The following VAV3 variants were observed in gnomAD, a reference collection of about 807,000 sequenced individuals.
VAV3 encodes guanine nucleotide exchange factor VAV3.
In VAV3, 94 loss-of-function variants were observed where a neutral mutation model predicts 131.2. The ratio of observed to expected loss-of-function variants is 0.72; its 90% CI spans 0.61 to 0.85. The LOEUF is 0.85. Among genes scored for constraint, VAV3 ranks in the 40% least tolerant of loss-of-function variants. VAV3 has a pLI of 0.00. For synonymous variants in VAV3, 349 were observed against 342.0 expected (o/e 1.02, Z -0.22); for missense variants, 939 against 1,002.7 (o/e 0.94, Z 0.86).
chr1:107,685,228 G>A (rs1570750777), intron 18 of VAV3, among the ~76,000 whole-genome samples: 1 of 152,276 alleles, frequency 6.6e-6, no homozygotes, highest in East Asian at 1.9e-4. Flanking sequence ...CACATTGCAA[G>A]TATTAAGAGA....
chr1:107,964,974 C>G lies in VAV3; in HGVS notation c.-105G>C, dbSNP rs1675362374. The G allele has an allele frequency of 3.0e-6, 3 of 995,488 alleles. No homozygotes were observed. Among genetic ancestry groups the G allele is most frequent in the Non-Finnish European group, 3.8e-6 (3 of 789,060 alleles). The allele number at this position is 995,488 out of a possible 1,614,324, so 61.7% of individuals were successfully genotyped here. ...GCGCCCCGCCGACGCCAACAGCCGC[C>G]GGCCCTTTCCCCGCGCGGGATCGAG... On this transcript the variant is annotated 5_prime_UTR_variant, in exon 1 of 27. Coordinates refer to ENST00000370056, the MANE Select transcript of VAV3 (RefSeq NM_006113.5).
chr1:107,694,228 C>T (rs984472918), intron 17 of VAV3, among the ~76,000 whole-genome samples: 2 of 152,082 alleles, frequency 1.3e-5, no homozygotes, highest in South Asian at 2.1e-4. Context: ...GGTCAAGGTA[C>T]GGTTAATGAT....
At chr1:107,779,375 A>C in intron 3 of VAV3, 59 bp downstream of exon 3, 1 of 1,448,642 alleles carries the variant, frequency 6.9e-7, no homozygotes. Context: ...GTAACCATTT[A>C]ATAAAGAATC....
chr1:107,749,767 C>T (rs1663592195), intron 13 of VAV3, among the ~76,000 whole-genome samples, 173 bp from the exon 14 acceptor site: 1 of 152,100 alleles, frequency 6.6e-6, no homozygotes, highest in Admixed American at 6.6e-5. Context: ...TGTGGAATTT[C>T]CCTTTACCTT....
chr1:107,935,360 A>C (rs1249612454), intron 1 of VAV3, among the ~76,000 whole-genome samples: 1 of 152,212 alleles, frequency 6.6e-6, no homozygotes, highest in Admixed American at 6.5e-5. Flanking sequence ...CACAGTGATA[A>C]GGTATATCAA....
intron 3 of VAV3, 88 bp downstream of exon 3, chr1:107,779,346 G>T: frequency 8.2e-7 from 1 of 1,222,608 alleles, no homozygotes; most frequent in Non-Finnish European, 1.1e-6. Flanking sequence ...GTACCTGTGT[G>T]CAAGATGCTT....
intron 22 of VAV3, among the ~76,000 whole-genome samples, chr1:107,606,803 C>CTTTTT (rs34849497): frequency 8.6e-5 from 5 of 58,014 alleles, no homozygotes; most frequent in Non-Finnish European, 1.3e-4. Flanking sequence ...ATGGTTTCTT[C>CTTTTT]TTTTTTTTTT....
chr1:107,629,274 T>C (rs1422519470), intron 20 of VAV3, among the ~76,000 whole-genome samples: 1 of 152,240 alleles, frequency 6.6e-6, no homozygotes, highest in African/African-American at 2.4e-5. Flanking sequence ...GGCTTAATTT[T>C]ACATTTGCCT....
At chr1:107,771,068 T>C (rs1377105398) in intron 5 of VAV3, among the ~76,000 whole-genome samples, 8 of 152,170 alleles carry the variant, frequency 5.3e-5, no homozygotes, top group African/African-American at 1.9e-4. Flanking sequence ...TAGAAATAAC[T>C]GCAAAAACAA....
intron 1 of VAV3, among the ~76,000 whole-genome samples, chr1:107,938,301 C>T (rs1467458742): frequency 4.6e-5 from 7 of 152,156 alleles, no homozygotes; most frequent in African/African-American, 2.4e-5. Flanking sequence ...CAGCCCTAAA[C>T]TCAAGGAAAG....
chr1:107,683,609 C>A (rs1273889550), intron 18 of VAV3, 76 bp from the exon 19 acceptor site: 1 of 1,421,578 alleles, frequency 7.0e-7, no homozygotes, highest in African/African-American at 1.4e-5. Flanking sequence ...TTACTACTGG[C>A]ACTTTGGAAA....
intron 15 of VAV3, among the ~76,000 whole-genome samples, chr1:107,743,313 G>T (rs1663132446): frequency 6.6e-6 from 1 of 152,094 alleles, no homozygotes. Context: ...TAAACCAGGG[G>T]TGGCAAGGGA....
chr1:107,804,403 A>G (rs1025239351), intron 2 of VAV3, among the ~76,000 whole-genome samples: 1 of 152,104 alleles, frequency 6.6e-6, no homozygotes, highest in African/African-American at 2.4e-5. Context: ...TAGCATATCT[A>G]TTATAGGTTT....
chr1:107,851,608 G>A (rs1182915762), intron 2 of VAV3, among the ~76,000 whole-genome samples: 1 of 152,096 alleles, frequency 6.6e-6, no homozygotes, highest in South Asian at 2.1e-4. Context: ...AAATACACAG[G>A]AAGTCAAAGG....
chr1:107,645,755 C>T (rs957108092), intron 19 of VAV3, among the ~76,000 whole-genome samples: 6 of 152,002 alleles, frequency 3.9e-5, no homozygotes, highest in Non-Finnish European at 8.8e-5. Flanking sequence ...AGATCAAGAA[C>T]GGAGAATAAA....
rs754077861 is a variant in VAV3 at position 107,602,462 on chromosome 1, T to C, written c.2155A>G (p.Ile719Val). The change falls in exon 24 of 27, where the codon ATC (isoleucine) becomes GTC (valine). Residue 719 changes from isoleucine (I) to valine (V), a missense_variant. Transcript: ENST00000370056. ...AAGCCATCTCTTGTTAAAATCTTGA[T>C]GTGCTTTGCTTCATTATTGTACCTG... ...SIKYNNEAKH[I>V]KILTRDGFFH... 1 of 1,574,906 alleles carries C rather than the reference T, an allele frequency of 6.3e-7. No individual in the cohort carries two copies.
At chr1:107,877,192 C>A (rs367693378) in intron 1 of VAV3, among the ~76,000 whole-genome samples, 12 of 152,104 alleles carry the variant, frequency 7.9e-5, no homozygotes, top group African/African-American at 2.7e-4. Context: ...TCATAAGAGA[C>A]CTTTAAGACA....
chr1:107,573,922 C>T, intron 26 of VAV3, 125 bp downstream of exon 26: 4 of 1,272,444 alleles, frequency 3.1e-6, no homozygotes, highest in Admixed American at 2.5e-5. Flanking sequence ...TTCCAGAGGG[C>T]AGAGGCCTGT....
intron 25 of VAV3, among the ~76,000 whole-genome samples, chr1:107,593,723 G>T (rs1370364739): frequency 6.6e-6 from 1 of 151,998 alleles, no homozygotes; most frequent in Non-Finnish European, 1.5e-5. Flanking sequence ...TTTCTTTAAG[G>T]GTGAGCTTTT....
Sources: gnomAD v4.1 joint callset for allele counts (sites outside exome capture counted in the v4.1 genomes callset) on GRCh38, gnomAD v4.1.1 for gene constraint, MANE v1.5 for transcripts, NCBI Gene and HGNC (gene_info 2026-07-23, HGNC 2026-07-21) for gene names.